Variants in DMD observed in about 807,000 individuals in gnomAD.
DMD encodes the protein dystrophin, also known as mutant dystrophin.
Under a neutral mutation model 330.1 loss-of-function variants are expected in DMD, and 63 were observed. The ratio of observed to expected loss-of-function variants is 0.19; its 90% CI spans 0.16 to 0.24. DMD has a LOEUF of 0.24. Ranked by LOEUF, DMD falls within the 10% of genes least tolerant of loss-of-function variation. The pLI is 1.00. For missense variants in DMD, 3,344 were observed against 2,684.1 expected (o/e 1.25, Z -5.43); for synonymous variants, 1,223 against 959.8 (o/e 1.27, Z -5.07).
intron 53 of DMD, among the ~76,000 whole-genome samples, chrX:31,659,639 GAAAAAAAAAAAAA>G (rs869195395): frequency 2.0e-3 from 81 of 39,961 alleles, no homozygotes; most frequent in South Asian, 0.012. Flanking sequence ...CTCCATCTCG[GAAAAAAAAAAAAA>G]AAAAAAAAAA....
chrX:33,081,007 C>CACAAAA (rs1441153335), intron 1 of DMD, among the ~76,000 whole-genome samples: 119 of 98,046 alleles, frequency 1.2e-3, no homozygotes, highest in African/African-American at 4.6e-3. Flanking sequence ...CACACACACA[C>CACAAAA]AAAAACACAT....
rs34962396 is a variant in DMD at position 31,869,404 on chromosome X, ATT to A, written c.7098+5782_7098+5783del. The stretch of plus-strand genomic sequence containing the variant: ...TTTGCATTTCTTTGTAAACGACATG[ATT>A]TTTTTTTTTTTTTTTTTACCTACCT... On this transcript the variant is annotated intron_variant, in intron 48 of 78. Coordinates refer to ENST00000357033, the MANE Select transcript of DMD (RefSeq NM_004006.3). Among the ~76,000 whole-genome samples the A allele has an allele frequency of 9.8e-3, 816 of 83,081 alleles. 4 individuals are homozygous for A. The highest frequency in any genetic ancestry group is 0.02 in the Middle Eastern group (3 of 147). 72.1% of individuals were successfully genotyped at this position (83,081 alleles called of 115,157 possible).
chrX:32,751,492 C>T (rs141185797), intron 7 of DMD, among the ~76,000 whole-genome samples: 293 of 111,654 alleles, frequency 2.6e-3, no homozygotes, highest in African/African-American at 9.2e-3. Context: ...AGCAGCAAAG[C>T]ATTCGTGAGG....
chrX:32,356,353 T>C (rs2097799790), intron 37 of DMD, among the ~76,000 whole-genome samples: 1 of 99,509 alleles, frequency 1.0e-5, no homozygotes, highest in Admixed American at 1.1e-4. Context: ...ATGATTACTT[T>C]TATATCTTCT....
intron 2 of DMD, among the ~76,000 whole-genome samples, chrX:32,968,814 G>T (rs2092266194): frequency 9.2e-6 from 1 of 108,171 alleles, no homozygotes; most frequent in South Asian, 4.1e-4. Context: ...TGGATCACGA[G>T]GTCAGGAGTT....
At chrX:31,150,060 T>C (rs985894758) in intron 74 of DMD, among the ~76,000 whole-genome samples, 2 of 111,989 alleles carry the variant, frequency 1.8e-5, no homozygotes, top group African/African-American at 6.5e-5. Flanking sequence ...ATACATAGTG[T>C]GCTGATTTTG....
At chrX:32,347,777 C>T (rs1311784106) in intron 38 of DMD, among the ~76,000 whole-genome samples, 1 of 111,297 alleles carries the variant, frequency 9.0e-6, no homozygotes, top group Non-Finnish European at 1.9e-5. Flanking sequence ...ATGTGATGTA[C>T]AAATATTCAA....
chrX:32,607,015 G>T (rs752791340), intron 12 of DMD, among the ~76,000 whole-genome samples: 1 of 109,280 alleles, frequency 9.2e-6, no homozygotes, highest in East Asian at 2.9e-4. Flanking sequence ...GGGGTGAGGG[G>T]TGAAAAATTA....
intron 16 of DMD, among the ~76,000 whole-genome samples, chrX:32,551,368 A>T (rs959040297): frequency 1.8e-5 from 2 of 111,915 alleles, no homozygotes; most frequent in East Asian, 5.6e-4. Flanking sequence ...CCACATAAAC[A>T]GAACAAAAAA....
chrX:31,791,631 T>A (rs2091574364), intron 50 of DMD, among the ~76,000 whole-genome samples: 1 of 112,314 alleles, frequency 8.9e-6, no homozygotes, highest in African/African-American at 3.2e-5. Flanking sequence ...ACACATTGTG[T>A]CAAACTAGCC....
chrX:32,827,729 C>T (rs1352788314), intron 4 of DMD, among the ~76,000 whole-genome samples: 1 of 105,793 alleles, frequency 9.5e-6, no homozygotes, highest in Non-Finnish European at 1.9e-5. Flanking sequence ...GGCACGATCT[C>T]GGCTCACCAC....
intron 1 of DMD, among the ~76,000 whole-genome samples, chrX:33,320,606 C>G (rs934666200): frequency 8.9e-6 from 1 of 112,268 alleles, no homozygotes; most frequent in African/African-American, 3.2e-5. Flanking sequence ...TGGATGGCTG[C>G]TGATTGATCA....
intron 47 of DMD, among the ~76,000 whole-genome samples, chrX:31,926,829 A>G (rs1432862329): frequency 1.8e-5 from 2 of 111,839 alleles, no homozygotes; most frequent in African/African-American, 6.5e-5. Flanking sequence ...ACTATGTACT[A>G]AGGAATTGAC....
chrX:32,007,746 C>T (rs1031703131), intron 44 of DMD, among the ~76,000 whole-genome samples: 2 of 110,867 alleles, frequency 1.8e-5, no homozygotes, highest in Non-Finnish European at 3.8e-5. Flanking sequence ...TTTCTAGTTA[C>T]TGTCTAGTCA....
At chrX:33,260,882 T>A (rs1379886227) in intron 1 of DMD, among the ~76,000 whole-genome samples, 1 of 111,597 alleles carries the variant, frequency 9.0e-6, no homozygotes, top group Non-Finnish European at 1.9e-5. Flanking sequence ...CAATTAATAT[T>A]TGTGGACCTG....
intron 78 of DMD, among the ~76,000 whole-genome samples, chrX:31,122,347 T>A (rs898254237): frequency 2.7e-5 from 3 of 111,357 alleles, no homozygotes; most frequent in Non-Finnish European, 5.7e-5. Context: ...TCTACTTGTA[T>A]TAACGAACAT....
At position 32,460,793 on chromosome X, in the gene DMD, T is replaced by A. The variant is rs1043361966; in HGVS notation, c.3432+2646A>T. On this transcript the variant is annotated intron_variant, in intron 25 of 78. Coordinates refer to ENST00000357033, the MANE Select transcript of DMD (RefSeq NM_004006.3). ...ATAGAAAGTAGTTTTCCTGCTCCTG[T>A]CACTCTCATTTAAAGGGTTCTTATT... is the stretch of plus-strand genomic sequence containing the variant. Among the ~76,000 whole-genome samples the A allele has an allele frequency of 4.5e-5, 5 of 111,830 alleles. No homozygotes were observed. In the Admixed American group the frequency reaches 4.8e-4, roughly 11 times the overall value.
intron 50 of DMD, among the ~76,000 whole-genome samples, chrX:31,779,165 G>C (rs1029170891): frequency 9.0e-6 from 1 of 111,690 alleles, no homozygotes; most frequent in African/African-American, 3.3e-5. Flanking sequence ...TTTGCTAAGA[G>C]TGCCTGAATC....
chrX:31,365,572 G>A (rs952917908), intron 60 of DMD, among the ~76,000 whole-genome samples: 4 of 112,218 alleles, frequency 3.6e-5, no homozygotes, highest in Admixed American at 1.9e-4. Context: ...CCATTTGATA[G>A]AGGGTTGGTT....
Sources: allele counts gnomAD v4.1 joint callset (sites outside exome capture counted in the v4.1 genomes callset), GRCh38; gene constraint gnomAD v4.1.1; transcripts MANE v1.5; gene names NCBI Gene and HGNC (gene_info 2026-07-23, HGNC 2026-07-21).